Variants in THSD4 observed in about 807,000 individuals in gnomAD.
The protein encoded by THSD4 is thrombospondin type 1 domain containing 4.
Under a neutral mutation model 119.0 loss-of-function variants are expected in THSD4, and 69 were observed. That is an observed-to-expected ratio of 0.58 (90% confidence interval 0.48 to 0.71). THSD4 has a LOEUF of 0.71. THSD4 is among the 30% of genes least tolerant of loss of function. The pLI, the probability that THSD4 is intolerant of heterozygous loss-of-function variation, is 0.00. For missense variants in THSD4, 1,393 were observed against 1,391.1 expected (o/e 1.00, Z -0.02); for synonymous variants, 524 against 540.4 (o/e 0.97, Z 0.42).
intron 7 of THSD4, among the ~76,000 whole-genome samples, chr15:71,607,683 G>A (rs1037653869): frequency 6.6e-6 from 1 of 152,164 alleles, no homozygotes. Flanking sequence ...TGAGGCGTGG[G>A]TATGGGGCAC....
intron 7 of THSD4, among the ~76,000 whole-genome samples, chr15:71,569,340 G>A (rs1003126737): frequency 1.4e-4 from 22 of 152,108 alleles, no homozygotes; most frequent in Non-Finnish European, 2.8e-4. Context: ...GAGGGAGGGA[G>A]GACAGGAGAA....
At chr15:71,384,983 C>T (rs903024929) in intron 6 of THSD4, among the ~76,000 whole-genome samples, 1 of 152,176 alleles carries the variant, frequency 6.6e-6, no homozygotes, top group Non-Finnish European at 1.5e-5. Context: ...GAGGATAGGA[C>T]ACAAAATCCC....
At chr15:71,541,030 A>G (rs1260988546) in intron 7 of THSD4, among the ~76,000 whole-genome samples, 1 of 152,026 alleles carries the variant, frequency 6.6e-6, no homozygotes, top group Admixed American at 6.6e-5. Context: ...GCCTCATTTT[A>G]TTTACTTTTT....
intron 3 of THSD4, among the ~76,000 whole-genome samples, chr15:71,180,138 A>T (rs1275936877): frequency 2.0e-5 from 1 of 49,186 alleles, no homozygotes; most frequent in Admixed American, 3.4e-4. Flanking sequence ...AACTTAGAGT[A>T]TAATAAAAAA....
intron 1 of THSD4, among the ~76,000 whole-genome samples, chr15:71,124,293 G>A (rs961195738): frequency 2.0e-5 from 3 of 152,132 alleles, no homozygotes; most frequent in Non-Finnish European, 4.4e-5. Context: ...ACTGACTTAT[G>A]GGCACTGCAA....
chr15:71,307,010 C>T lies in THSD4; in HGVS notation c.1015+50295C>T, dbSNP rs150357892. Among the ~76,000 whole-genome samples, 938 of 152,318 alleles carry T rather than the reference C, an allele frequency of 6.2e-3. 5 individuals are homozygous for T. The highest frequency in any genetic ancestry group is 9.9e-3 in the Non-Finnish European group (676 of 68,030). On this transcript the variant is annotated intron_variant, in intron 6 of 17. Coordinates refer to ENST00000261862, the MANE Select transcript of THSD4 (RefSeq NM_024817.3). ...AGAATTTTCTGCCTTGTCCTCTCTC[C>T]AGGTCTTGCTCTGCAGTCCTCCCTC... is the stretch of plus-strand genomic sequence containing the variant.
chr15:71,635,156 A>G (rs2050715447), intron 7 of THSD4, among the ~76,000 whole-genome samples: 2 of 152,334 alleles, frequency 1.3e-5, no homozygotes, highest in East Asian at 1.9e-4. Context: ...TGTCACTTCT[A>G]TTAACTGATT....
At chr15:71,633,263 T>C (rs1384384602) in intron 7 of THSD4, among the ~76,000 whole-genome samples, 1 of 111,904 alleles carries the variant, frequency 8.9e-6, no homozygotes, top group African/African-American at 2.9e-5. Context: ...TTTTCTTTCT[T>C]TCTTTCTTTT....
intron 7 of THSD4, among the ~76,000 whole-genome samples, chr15:71,554,946 A>G (rs2048995637): frequency 6.6e-6 from 1 of 152,146 alleles, no homozygotes; most frequent in South Asian, 2.1e-4. Flanking sequence ...AAGAAATCAA[A>G]ATTCCCAGTA....
At chr15:71,496,485 C>A (rs1362681194) in intron 7 of THSD4, among the ~76,000 whole-genome samples, 1 of 152,202 alleles carries the variant, frequency 6.6e-6, no homozygotes. Flanking sequence ...ATGCAGCTTT[C>A]ATCCAGGTTG....
Position 71,562,098 on chromosome 15 carries a change from AGTT to A in THSD4, c.1153-98428_1153-98426del, listed in dbSNP as rs376077287. Reference sequence around the variant, plus strand: ...TTATGTGGCTTGCCCAGGACCACACAGTTGTTTAACCCAGACCTGGAGGGTGAA... The same window carrying A: ...TTATGTGGCTTGCCCAGGACCACACAGTTTAACCCAGACCTGGAGGGTGAA... On this transcript the variant is annotated intron_variant, in intron 7 of 17. Transcript: ENST00000261862. 7.4e-4 allele frequency among the ~76,000 whole-genome samples: 112 copies of A among 152,334 alleles called. 3 individuals are homozygous for A. In the East Asian group the frequency reaches 0.02, roughly 28 times the overall value.
rs531141457 is a variant in THSD4, at chr15:71,559,999, T to G, written c.1153-100531T>G. Among the ~76,000 whole-genome samples, 19 of 152,314 alleles carry G rather than the reference T, an allele frequency of 1.2e-4. No homozygotes were observed. In the East Asian group the frequency reaches 3.7e-3, roughly 29 times the overall value. On this transcript the variant is annotated intron_variant, in intron 7 of 17. Coordinates refer to ENST00000261862, the MANE Select transcript of THSD4 (RefSeq NM_024817.3). ...CTAATGCTACAATGAGTATCTTTTT[T>G]CCTCCCTATTGTCTTATACTATACT...
In THSD4 at chr15:71,778,136, G is replaced by T. The variant is rs2053946313; in HGVS notation, c.*762G>T. The T allele has an allele frequency of 6.6e-6, 1 of 152,246 alleles. No individual in the cohort carries two copies. Among genetic ancestry groups the T allele is most frequent in the African/African-American group, 2.4e-5 (1 of 41,444 alleles). 9.4% of individuals were successfully genotyped at this position (152,246 alleles called of 1,614,324 possible). A position where few individuals can be genotyped will look rare whatever the true frequency, so the allele number is the denominator to read the frequency against. On this transcript the variant is annotated 3_prime_UTR_variant, in exon 18 of 18. Transcript: ENST00000261862. The stretch of plus-strand genomic sequence containing the variant: ...CGCCCCAGTCATCTACCAGTATCCA[G>T]CCTGGGGCCTGTACTTAGATGTGAA...
intron 11 of THSD4, among the ~76,000 whole-genome samples, chr15:71,741,598 G>C (rs772808429): frequency 3.3e-5 from 5 of 149,882 alleles, no homozygotes; most frequent in Non-Finnish European, 5.9e-5. Context: ...CACACACACA[G>C]AAATTCACAA....
rs749380749 is a variant in THSD4 at position 71,413,601 on chromosome 15, G to A, written c.1152+1778G>A. On this transcript the variant is annotated intron_variant, in intron 7 of 17. Coordinates refer to ENST00000261862, the MANE Select transcript of THSD4 (RefSeq NM_024817.3). Reference sequence around the variant, plus strand: ...ATTTCAGTTGACAGAATGTCCTTCAGTTCTATCCATGCTATTGCAAATGAC... The same window carrying A: ...ATTTCAGTTGACAGAATGTCCTTCAATTCTATCCATGCTATTGCAAATGAC... Among the ~76,000 whole-genome samples the A allele has an allele frequency of 3.3e-5, 5 of 152,176 alleles. No individual in the cohort carries two copies. The South Asian group carries it at 6.2e-4, about 19-fold the overall frequency.
At position 71,604,454 on chromosome 15, in the gene THSD4, C is replaced by T. The variant is rs564057743; in HGVS notation, c.1153-56076C>T. 5.1e-4 allele frequency among the ~76,000 whole-genome samples: 78 copies of T among 152,310 alleles called. 1 individual carries two copies. The highest frequency in any genetic ancestry group is 1.8e-3 in the African/African-American group (76 of 41,568). ...ACATGAAACCATATAGTTGGACTTA[C>T]TATGGCATTTTATTCAGCAGTTTGA... is the stretch of plus-strand genomic sequence containing the variant. On this transcript the variant is annotated intron_variant, in intron 7 of 17. Transcript: ENST00000261862.
At position 71,283,220 on chromosome 15, in the gene THSD4, C is replaced by T. The variant is rs147526039; in HGVS notation, c.1015+26505C>T. On this transcript the variant is annotated intron_variant, in intron 6 of 17. Transcript: ENST00000261862. ...TCCTGATGTCACGATCCGCCAGCCT[C>T]GGCCTCCCAAAGTGCTGGGATTACA... Among the ~76,000 whole-genome samples the T allele has an allele frequency of 4.2e-3, 647 of 152,260 alleles. 6 individuals carry two copies. The highest frequency in any genetic ancestry group is 0.015 in the African/African-American group (618 of 41,544).
At chr15:71,278,706 C>T (rs1042464205) in intron 6 of THSD4, among the ~76,000 whole-genome samples, 5 of 151,998 alleles carry the variant, frequency 3.3e-5, no homozygotes, top group African/African-American at 1.2e-4. Context: ...TGAAATATGG[C>T]AGGTTAGAGG....
chr15:71,394,266 CTTTTTT>C (rs58372446), intron 6 of THSD4, among the ~76,000 whole-genome samples: 3 of 89,688 alleles, frequency 3.3e-5, no homozygotes, highest in African/African-American at 4.5e-5. Flanking sequence ...ACACATTTGT[CTTTTTT>C]TTTTTTTTTT....
Sources: gnomAD v4.1 joint callset for allele counts (sites outside exome capture counted in the v4.1 genomes callset) on GRCh38, gnomAD v4.1.1 for gene constraint, MANE v1.5 for transcripts, NCBI Gene and HGNC (gene_info 2026-07-23, HGNC 2026-07-21) for gene names.